Variants in GLO1 observed in about 807,000 individuals in gnomAD.
The protein encoded by GLO1 is lactoylglutathione lyase.
GLO1 carries 28 observed loss-of-function variants against 26.0 expected under a neutral mutation model. That is an observed-to-expected ratio of 1.08 (90% CI 0.80 to 1.48). GLO1 has a LOEUF of 1.48. Ranked by LOEUF, GLO1 falls within the 40% of genes most tolerant of loss-of-function variation. The pLI, the probability that GLO1 is intolerant of heterozygous loss-of-function variation, is 0.00. For missense variants in GLO1, 225 were observed against 224.8 expected, an observed-to-expected ratio of 1.00 and a Z score of -0.01; for synonymous variants, 78 against 77.6, an observed-to-expected ratio of 1.00 and a Z score of -0.03.
chr6:38,686,279 G>C (rs529213143), intron 2 of GLO1, among the ~76,000 whole-genome samples: 2 of 152,158 alleles, frequency 1.3e-5, no homozygotes, highest in South Asian at 4.2e-4. Flanking sequence ...TAAATTTAAA[G>C]ATTATTTTAT....
rs1582771043 is a variant in GLO1 at position 38,676,166 on chromosome 6, A to G, written c.*1129T>C. On this transcript the variant is annotated 3_prime_UTR_variant, in exon 6 of 6. Transcript: ENST00000373365. ...TTTTCTGAGCCATTAGAGATTTTCA[A>G]AATCACTTTGATTTTTAAAAACTCA... 1 of 152,218 alleles carries G rather than the reference A, an allele frequency of 6.6e-6. No individual in the cohort carries two copies. 9.4% of individuals were successfully genotyped at this position (152,218 alleles called of 1,614,324 possible).
chr6:38,702,847 A>G (rs1761724958), intron 1 of GLO1, 124 bp downstream of exon 1: 3 of 618,750 alleles, frequency 4.8e-6, no homozygotes, highest in Non-Finnish European at 8.6e-6. Context: ...CCCTCTTCCC[A>G]TCACACTCCC....
At chr6:38,698,085 T>C (rs528936213) in intron 1 of GLO1, among the ~76,000 whole-genome samples, 2 of 152,312 alleles carry the variant, frequency 1.3e-5, no homozygotes, top group East Asian at 1.9e-4. Flanking sequence ...ACATTTTCTA[T>C]TTCATACCCT....
chr6:38,699,642 C>T (rs150649525), intron 1 of GLO1, among the ~76,000 whole-genome samples: 1 of 152,028 alleles, frequency 6.6e-6, no homozygotes, highest in South Asian at 2.1e-4. Flanking sequence ...TCTATAAACG[C>T]CCGCTCTGGG....
intron 1 of GLO1, among the ~76,000 whole-genome samples, chr6:38,693,399 G>C (rs1207240081): frequency 6.6e-6 from 1 of 151,982 alleles, no homozygotes; most frequent in Non-Finnish European, 1.5e-5. Context: ...TCTTGCTACA[G>C]GTTTGTCTAT....
intron 5 of GLO1, among the ~76,000 whole-genome samples, chr6:38,678,395 GAAGGAAAAGAA>G (rs986346719): frequency 8.2e-5 from 10 of 122,478 alleles, no homozygotes; most frequent in Admixed American, 2.5e-4. Flanking sequence ...AGGAAGGAAG[GAAGGAAAAGAA>G]AAGGAAAAGA....
At chr6:38,683,316 T>C (rs888371795) in intron 3 of GLO1, 1 of 154,812 alleles carries the variant, frequency 6.5e-6, no homozygotes, top group African/African-American at 2.4e-5. Flanking sequence ...CTGAAATCAA[T>C]CTCTTTTAAA....
chr6:38,688,941 C>T (rs560827354), intron 1 of GLO1, among the ~76,000 whole-genome samples: 115 of 152,286 alleles, frequency 7.6e-4, no homozygotes, highest in African/African-American at 2.3e-3. Flanking sequence ...AGCGTGCGCG[C>T]GCAAAGAAAG....
intron 1 of GLO1, among the ~76,000 whole-genome samples, chr6:38,696,447 G>C (rs1761612266): frequency 6.6e-6 from 1 of 152,178 alleles, no homozygotes; most frequent in East Asian, 1.9e-4. Context: ...TTTCTCACAG[G>C]TTTGGAGGCT....
chr6:38,693,697 A>G (rs1310054305), intron 1 of GLO1, among the ~76,000 whole-genome samples: 3 of 140,410 alleles, frequency 2.1e-5, no homozygotes, highest in Non-Finnish European at 3.1e-5. Context: ...ATATATATAT[A>G]TATATATATT....
chr6:38,686,541 G>A (rs1203027115), intron 2 of GLO1, among the ~76,000 whole-genome samples: 1 of 152,200 alleles, frequency 6.6e-6, no homozygotes, highest in Admixed American at 6.5e-5. Flanking sequence ...GGTTTTCTGA[G>A]TAGTAAGTTC....
At chr6:38,701,928 A>G (rs1761706268) in intron 1 of GLO1, among the ~76,000 whole-genome samples, 1 of 137,156 alleles carries the variant, frequency 7.3e-6, no homozygotes, top group Admixed American at 7.3e-5. Flanking sequence ...CTGTGCCTGA[A>G]TTTTTTTTTT....
intron 1 of GLO1, among the ~76,000 whole-genome samples, chr6:38,691,247 GT>G (rs916574405): frequency 6.6e-5 from 10 of 151,904 alleles, no homozygotes; most frequent in African/African-American, 2.4e-4. Context: ...AAATAATAAG[GT>G]TTTTTTCGGG....
intron 5 of GLO1, 90 bp downstream of exon 5, chr6:38,681,922 C>A: frequency 2.7e-6 from 2 of 730,024 alleles, no homozygotes; most frequent in South Asian, 1.6e-5. Context: ...TACTTGTAGC[C>A]AAAAGGGTTT....
intron 1 of GLO1, among the ~76,000 whole-genome samples, chr6:38,698,277 C>G (rs1761639532): frequency 6.6e-6 from 1 of 151,770 alleles, no homozygotes; most frequent in Non-Finnish European, 1.5e-5. Flanking sequence ...TGTCATTATG[C>G]CTTTATATAT....
rs78817045 is a variant in GLO1 at position 38,681,720 on chromosome 6, G to A, written c.466+292C>T. On this transcript the variant is annotated intron_variant, in intron 5 of 5. Transcript: ENST00000373365. ...GATATACACTGAAATAGTGAAAGCT[G>A]GTGGCCAATGAAAGAAAGTGGTGGG... is the stretch of plus-strand genomic sequence containing the variant. 8.2e-3 allele frequency among the ~76,000 whole-genome samples: 1,242 copies of A among 152,276 alleles called. 20 individuals carry two copies. The highest frequency in any genetic ancestry group is 0.029 in the African/African-American group (1,186 of 41,562).
intron 1 of GLO1, among the ~76,000 whole-genome samples, chr6:38,699,249 C>T (rs1761657169): frequency 6.6e-6 from 1 of 152,184 alleles, no homozygotes; most frequent in Admixed American, 6.5e-5. Context: ...GGACATTTAT[C>T]AGTTCCCAAA....
At position 38,677,494 on chromosome 6, in the gene GLO1, G is replaced by T; in HGVS notation, c.467-111C>A. 1.1e-5 allele frequency: 7 copies of T among 642,882 alleles called. No homozygotes were observed. In the South Asian group the frequency reaches 1.1e-4, roughly 10 times the overall value. The allele number at this position is 642,882 out of a possible 1,614,324, so 39.8% of individuals were successfully genotyped here. A position where few individuals can be genotyped will look rare whatever the true frequency, so the allele number is the denominator to read the frequency against. ...CTCTGAATGTCAGGCTGGAGTGCAT[G>T]GGATGATCATGGCCCAAGGCAGGCT... is the stretch of plus-strand genomic sequence containing the variant. On this transcript the variant is annotated intron_variant, in intron 5 of 5. Transcript: ENST00000373365.
At chr6:38,684,232 A>G (rs1761429938) in intron 3 of GLO1, 142 bp downstream of exon 3, 1 of 353,034 alleles carries the variant, frequency 2.8e-6, no homozygotes, top group Non-Finnish European at 4.9e-6. Flanking sequence ...TGCATGAAAA[A>G]CACTTCAATA....
Sources: allele counts gnomAD v4.1 joint callset (sites outside exome capture counted in the v4.1 genomes callset), GRCh38; gene constraint gnomAD v4.1.1; transcripts MANE v1.5; gene names NCBI Gene and HGNC (gene_info 2026-07-23, HGNC 2026-07-21).